The following ADAMTSL1 variants were observed in gnomAD, a reference collection of about 807,000 sequenced individuals.
ADAMTSL1 encodes ADAMTS like 1.
ADAMTSL1 carries 126 observed loss-of-function variants against 201.8 expected under a neutral mutation model. That is an observed-to-expected ratio of 0.62 (90% CI 0.54 to 0.72). ADAMTSL1 has a LOEUF of 0.72. ADAMTSL1 is among the 30% of genes least tolerant of loss of function. The pLI is 0.00. For synonymous variants in ADAMTSL1, 1,121 were observed against 903.4 expected, an observed-to-expected ratio of 1.24 and a Z score of -4.32; for missense variants, 2,679 against 2,277.8, an observed-to-expected ratio of 1.18 and a Z score of -3.59.
chr9:18,581,815 T>C (rs545650320), intron 4 of ADAMTSL1, among the ~76,000 whole-genome samples: 1 of 152,190 alleles, frequency 6.6e-6, no homozygotes, highest in Non-Finnish European at 1.5e-5. Flanking sequence ...AGAATAATCC[T>C]TGTGGCTCAG....
At chr9:18,728,151 T>C (rs576317624) in intron 15 of ADAMTSL1, among the ~76,000 whole-genome samples, 1 of 152,212 alleles carries the variant, frequency 6.6e-6, no homozygotes, top group Admixed American at 6.5e-5. Flanking sequence ...CTTGCATGCA[T>C]GTATTTAGTT....
intron 23 of ADAMTSL1, among the ~76,000 whole-genome samples, chr9:18,839,849 G>C (rs1825596384): frequency 6.6e-6 from 1 of 150,852 alleles, no homozygotes; most frequent in South Asian, 2.1e-4. Context: ...AGAAGTGTCT[G>C]TTCATGTCCT....
intron 4 of ADAMTSL1, among the ~76,000 whole-genome samples, chr9:18,600,171 C>T (rs1389564731): frequency 6.6e-6 from 1 of 152,064 alleles, no homozygotes; most frequent in Admixed American, 6.5e-5. Context: ...TTCTCTGATG[C>T]TTCCCCAAAG....
chr9:18,574,533 A>G (rs1587610672), intron 4 of ADAMTSL1: 2 of 576,048 alleles, frequency 3.5e-6, no homozygotes, highest in South Asian at 2.4e-5. Flanking sequence ...GTGTTTATCA[A>G]TTATGTACTA....
chr9:18,208,523 G>C (rs1308034400), intron 2 of ADAMTSL1, among the ~76,000 whole-genome samples: 2 of 152,122 alleles, frequency 1.3e-5, no homozygotes, highest in Admixed American at 6.6e-5. Context: ...GCTGAGATTA[G>C]AAGAAATTGA....
intron 1 of ADAMTSL1, among the ~76,000 whole-genome samples, chr9:17,938,272 G>A (rs143254056): frequency 2.6e-5 from 4 of 152,202 alleles, no homozygotes; most frequent in Non-Finnish European, 5.9e-5. Context: ...TAAGGCACAA[G>A]GGCCTTATGT....
chr9:18,697,252 T>A (rs1279274838), intron 13 of ADAMTSL1, among the ~76,000 whole-genome samples: 1 of 152,182 alleles, frequency 6.6e-6, no homozygotes, highest in African/African-American at 2.4e-5. Context: ...AATGAGAATT[T>A]GATTTAGAAT....
intron 13 of ADAMTSL1, among the ~76,000 whole-genome samples, chr9:18,702,671 T>A (rs1158347613): frequency 2.0e-5 from 3 of 152,196 alleles, no homozygotes; most frequent in Non-Finnish European, 4.4e-5. Context: ...ACAGAATTCA[T>A]ATCAGTTACT....
At chr9:18,293,117 C>T (rs780535869) in intron 2 of ADAMTSL1, among the ~76,000 whole-genome samples, 17 of 152,144 alleles carry the variant, frequency 1.1e-4, no homozygotes, top group Non-Finnish European at 2.1e-4. Context: ...ATGGCTGCAT[C>T]GTATTCAGTG....
intron 1 of ADAMTSL1, among the ~76,000 whole-genome samples, chr9:18,064,832 T>C (rs147598624): frequency 1.1e-4 from 16 of 151,934 alleles, no homozygotes; most frequent in African/African-American, 3.6e-4. Context: ...TGCTAATATT[T>C]TCTGGAGATG....
At chr9:18,481,800 C>G (rs186763064) in intron 1 of ADAMTSL1, among the ~76,000 whole-genome samples, 1 of 152,090 alleles carries the variant, frequency 6.6e-6, no homozygotes, top group South Asian at 2.1e-4. Flanking sequence ...CACACTGGAA[C>G]AATTTTTTAG....
chr9:18,777,742 A>T lies in ADAMTSL1; in HGVS notation c.3513A>T (p.Ser1171=), dbSNP rs4977426. ...HRKPTILRKI[S]AAQQLSASEV... is the part of the protein sequence containing the mutation. The stretch of plus-strand genomic sequence containing the variant: ...AGCCCACCATCCTGCGCAAGATCTC[A>T]GCGGCCCAGCAGCTCTCAGCCTCGG... The change falls in exon 19 of 29, where the codon TCA becomes TCT. Residue 1171 remains serine, a synonymous_variant. Coordinates refer to ENST00000380548, the MANE Select transcript of ADAMTSL1 (RefSeq NM_001040272.6). 2 of 1,613,086 alleles carry T rather than the reference A, an allele frequency of 1.2e-6. No homozygotes were observed. The highest frequency in any genetic ancestry group is 3.3e-5 in the Admixed American group (2 of 59,988).
At chr9:18,030,383 A>T (rs978144658) in intron 1 of ADAMTSL1, among the ~76,000 whole-genome samples, 2 of 151,340 alleles carry the variant, frequency 1.3e-5, no homozygotes, top group Non-Finnish European at 2.9e-5. Context: ...AACATCACAC[A>T]CCGGGGACTG....
At chr9:18,589,398 C>T (rs1281714073) in intron 4 of ADAMTSL1, among the ~76,000 whole-genome samples, 1 of 152,044 alleles carries the variant, frequency 6.6e-6, no homozygotes, top group East Asian at 1.9e-4. Flanking sequence ...TATATAAAAA[C>T]ACTATGGATT....
chr9:18,675,230 C>T (rs1473943964), intron 9 of ADAMTSL1, among the ~76,000 whole-genome samples: 1 of 152,130 alleles, frequency 6.6e-6, no homozygotes, highest in Non-Finnish European at 1.5e-5. Flanking sequence ...AACTGCCTAC[C>T]TTTATTTTGG....
rs571869713 is a variant in ADAMTSL1, at chr9:18,402,588, C to T, written c.208-102241C>T. On this transcript the variant is annotated intron_variant, in intron 2 of 29. Coordinates refer to the ADAMTSL1 transcript ENST00000680146. ...CTAGGGTGAAGTCCAGATTTTTCAG[C>T]ATCCCTATATCTTTCAGTCCTTTCT... 9.5e-4 allele frequency among the ~76,000 whole-genome samples: 145 copies of T among 152,284 alleles called. 2 individuals are homozygous for T. In the Middle Eastern group the frequency reaches 0.034, roughly 36 times the overall value.
intron 4 of ADAMTSL1, among the ~76,000 whole-genome samples, chr9:18,583,746 A>G (rs190328951): frequency 4.7e-4 from 72 of 152,310 alleles, no homozygotes; most frequent in African/African-American, 1.7e-3. Flanking sequence ...CACCTCTTGC[A>G]TCAGAGTGAT....
Position 18,770,662 on chromosome 9 carries a change from G to A in ADAMTSL1, c.2278G>A (p.Ala760Thr), listed in dbSNP as rs201635336. The A allele has an allele frequency of 4.3e-6, 7 of 1,613,502 alleles. No homozygotes were observed. The highest frequency in any genetic ancestry group is 1.7e-5 in the Admixed American group (1 of 59,942). The change falls in exon 17 of 29, where the codon GCT becomes ACT. Residue 760 changes from alanine (A) to threonine (T), a missense_variant. Transcript: ENST00000380548. ...KREVLCKQRM[A>T]DGSFLELPET... The stretch of plus-strand genomic sequence containing the variant: ...TGAGGTTCTTTGCAAGCAGCGCATG[G>A]CTGATGGCAGCTTCCTGGAGCTTCC...
chr9:18,448,544 C>T (rs1820284790), intron 2 of ADAMTSL1, among the ~76,000 whole-genome samples: 1 of 152,142 alleles, frequency 6.6e-6, no homozygotes, highest in African/African-American at 2.4e-5. Context: ...TAAAATTCAT[C>T]ATCATAAGTT....
Sources: allele counts gnomAD v4.1 joint callset (sites outside exome capture counted in the v4.1 genomes callset), GRCh38; gene constraint gnomAD v4.1.1; transcripts MANE v1.5; gene names NCBI Gene and HGNC (gene_info 2026-07-23, HGNC 2026-07-21).